Variants in RFX8 observed in about 807,000 individuals in gnomAD.
The protein encoded by RFX8 is DNA-binding protein RFX8.
A neutral mutation model predicts 54.6 loss-of-function variants in RFX8; 46 were observed. The observed-to-expected ratio is 0.84, with a 90% confidence interval of 0.67 to 1.08. The LOEUF (loss-of-function observed/expected upper bound fraction) is 1.08, where lower values mean the gene tolerates loss of function less well. RFX8 is among the 50% of genes least tolerant of loss of function. The pLI is 0.00. For missense variants in RFX8, 536 were observed against 562.3 expected (o/e 0.95, Z 0.47); for synonymous variants, 192 against 209.5 (o/e 0.92, Z 0.72).
Position 101,421,726 on chromosome 2 carries a change from T to C in RFX8, c.235A>G (p.Asn79Asp), listed in dbSNP as rs1388234934. The change falls in exon 4 of 12, where the codon AAT becomes GAT. Residue 79 changes from asparagine (N) to aspartate (D), a missense_variant and splice_region_variant. Physicochemically the swap from Asn to Asp is conservative, Grantham distance 23. Coordinates refer to ENST00000428343, the MANE Select transcript of RFX8 (RefSeq NM_001145664.2). Reference protein sequence around the residue: ...YCNYCRDILRNVEDLLTSFWK... With the variant: ...YCNYCRDILRDVEDLLTSFWK... ...CTCTCAAGTTCTCAGTTCCTCACAT[T>C]TCGTAAAATGTCTCGACAATAGTTG... The C allele has an allele frequency of 1.3e-6, 2 of 1,550,232 alleles. No homozygotes were observed. Among genetic ancestry groups the C allele is most frequent in the African/African-American group, 2.7e-5 (2 of 72,968 alleles).
At chr2:101,454,642 A>G (rs7597277) in intron 2 of RFX8, among the ~76,000 whole-genome samples, 52,520 of 152,084 alleles carry the variant, frequency 0.35, 9,742 homozygotes, top group African/African-American at 0.44. Flanking sequence ...TTTCTCTGAT[A>G]ACCAGTGATG....
At chr2:101,469,068 ATATATATATAAGTGTATATATATAAG>A (rs70946647) in intron 1 of RFX8, among the ~76,000 whole-genome samples, 10 of 17,422 alleles carry the variant, frequency 5.7e-4, no homozygotes, top group Admixed American at 1.7e-3. Flanking sequence ...ATATATATGT[ATATATATATAAGTGTATATATATAAG>A]TATATATATA....
chr2:101,468,651 C>G (rs1263972249), intron 1 of RFX8, among the ~76,000 whole-genome samples: 1 of 151,942 alleles, frequency 6.6e-6, no homozygotes, highest in Non-Finnish European at 1.5e-5. Context: ...CATCCTAATT[C>G]AGGATGACTT....
At chr2:101,421,503 C>T in intron 4 of RFX8, 16 of 1,267,240 alleles carry the variant, frequency 1.3e-5, no homozygotes, top group Non-Finnish European at 1.6e-5. Flanking sequence ...TCTGTATTAG[C>T]ACCTTGGAGA....
At chr2:101,472,997 C>A (rs1189463515) in intron 1 of RFX8, among the ~76,000 whole-genome samples, 3 of 151,200 alleles carry the variant, frequency 2.0e-5, no homozygotes, top group African/African-American at 7.3e-5. Flanking sequence ...CCAGACTGGG[C>A]AACAGAGCAA....
At chr2:101,449,688 C>T (rs1198672562) in intron 2 of RFX8, among the ~76,000 whole-genome samples, 1 of 152,008 alleles carries the variant, frequency 6.6e-6, no homozygotes, top group Non-Finnish European at 1.5e-5. Flanking sequence ...GGGAGGAATG[C>T]CTAGGAGGTG....
intron 2 of RFX8, among the ~76,000 whole-genome samples, chr2:101,452,708 T>A (rs1185270952): frequency 6.6e-6 from 1 of 152,196 alleles, no homozygotes; most frequent in Non-Finnish European, 1.5e-5. Context: ...CTGCCTGTAA[T>A]GCCAACACTT....
intron 2 of RFX8, among the ~76,000 whole-genome samples, chr2:101,440,712 T>C (rs542462844): frequency 5.9e-4 from 90 of 152,310 alleles, no homozygotes; most frequent in African/African-American, 2.1e-3. Flanking sequence ...CTAAGTCCTG[T>C]GAGTCCTTCT....
In RFX8 at chr2:101,397,688, T is replaced by G. The variant is rs1180246617; in HGVS notation, c.1282A>C (p.Ser428Arg). The G allele has an allele frequency of 7.1e-6, 11 of 1,550,684 alleles. No individual in the cohort carries two copies. Among genetic ancestry groups the G allele is most frequent in the Middle Eastern group, 1.7e-4 (1 of 6,014 alleles). ...QVLLEDETTESAVKLSLPMGQ... is the reference protein window; with the variant it reads ...QVLLEDETTERAVKLSLPMGQ... Reference sequence around the variant, plus strand: ...ATAGGAAGGCTGAGTTTAACTGCGCTTTCAGTGGTTTCATCTTCCAACAGC... The same window carrying G: ...ATAGGAAGGCTGAGTTTAACTGCGCGTTCAGTGGTTTCATCTTCCAACAGC... The change falls in exon 12 of 12, where the codon AGC becomes CGC. Residue 428 changes from serine (S) to arginine (R), a missense_variant. Coordinates refer to ENST00000428343, the MANE Select transcript of RFX8 (RefSeq NM_001145664.2).
intron 2 of RFX8, chr2:101,452,388 G>A: frequency 7.0e-7 from 1 of 1,428,782 alleles, no homozygotes; most frequent in Non-Finnish European, 9.2e-7. Context: ...AACCTACCTG[G>A]CACTTCCTCT....
intron 7 of RFX8, among the ~76,000 whole-genome samples, chr2:101,414,519 C>T (rs1686369334): frequency 6.6e-6 from 1 of 152,008 alleles, no homozygotes; most frequent in Non-Finnish European, 1.5e-5. Flanking sequence ...AGTAATCTGC[C>T]TGCCTCGGAC....
intron 1 of RFX8, among the ~76,000 whole-genome samples, chr2:101,470,096 A>G (rs954915609): frequency 5.3e-5 from 8 of 151,162 alleles, no homozygotes; most frequent in African/African-American, 2.0e-4. Flanking sequence ...CTCAGCCTTC[A>G]GTGTCACCCA....
At chr2:101,472,738 C>T (rs1032130456) in intron 1 of RFX8, among the ~76,000 whole-genome samples, 1 of 152,132 alleles carries the variant, frequency 6.6e-6, no homozygotes, top group African/African-American at 2.4e-5. Context: ...TTTATGAAGG[C>T]CCAGCGTGGT....
At chr2:101,418,486 CCAAAG>C (rs1430071537) in intron 5 of RFX8, among the ~76,000 whole-genome samples, 1 of 152,156 alleles carries the variant, frequency 6.6e-6, no homozygotes, top group Non-Finnish European at 1.5e-5. Flanking sequence ...AGAGCTTCAA[CCAAAG>C]CAAAGCAAAA....
In RFX8 at chr2:101,466,153, T is replaced by C. The variant is rs561770946; in HGVS notation, c.72+624A>G. Among the ~76,000 whole-genome samples the C allele has an allele frequency of 6.0e-4, 92 of 152,196 alleles. No homozygotes were observed. The South Asian group carries it at 7.7e-3, about 13-fold the overall frequency. ...AATGGTTTGGCCACATCCCTTGATG[T>C]CACTCAGCCATGCACCCCCTGACAC... On this transcript the variant is annotated intron_variant, in intron 2 of 11. Transcript: ENST00000428343.
At chr2:101,428,874 A>G (rs1687331595) in intron 2 of RFX8, 3 of 886,994 alleles carry the variant, frequency 3.4e-6, no homozygotes, top group Non-Finnish European at 5.4e-6. Flanking sequence ...TACGCACAGA[A>G]AAACAGCTGG....
At chr2:101,402,869 T>C in intron 10 of RFX8, 117 bp from the exon 11 acceptor site, 2 of 920,268 alleles carry the variant, frequency 2.2e-6, no homozygotes, top group South Asian at 1.7e-5. Context: ...CTCGTTCCAA[T>C]AGCTTACCCA....
Position 101,469,084 on chromosome 2 carries a change from A to AAG in RFX8, c.-52-2185_-52-2184insCT, listed in dbSNP as rs1689801171. Among the ~76,000 whole-genome samples, 2 of 52,156 alleles carry AAG rather than the reference A, an allele frequency of 3.8e-5. 1 individual carries two copies. The highest frequency in any genetic ancestry group is 1.1e-3 in the South Asian group (2 of 1,746). The allele number at this position is 52,156 out of a possible 152,430, so 34.2% of individuals were successfully genotyped here. A position where few individuals can be genotyped will look rare whatever the true frequency, so the allele number is the denominator to read the frequency against. ...TATATATGTATATATATATAAGTGT[A>AAG]TATATATAAGTATATATATATAAGT... On this transcript the variant is annotated intron_variant, in intron 1 of 11. Transcript: ENST00000428343.
chr2:101,444,654 C>T (rs1053597178), intron 2 of RFX8, among the ~76,000 whole-genome samples: 1 of 152,156 alleles, frequency 6.6e-6, no homozygotes, highest in Non-Finnish European at 1.5e-5. Context: ...TTGAAAACCT[C>T]AGCAAAGTCA....
Sources: allele counts gnomAD v4.1 joint callset (sites outside exome capture counted in the v4.1 genomes callset), GRCh38; gene constraint gnomAD v4.1.1; transcripts MANE v1.5; gene names NCBI Gene and HGNC (gene_info 2026-07-23, HGNC 2026-07-21).